Variants in WWTR1 observed in about 807,000 individuals in gnomAD.
WWTR1 encodes WW domain containing transcription regulator 1, also known as WW domain-containing transcription regulator protein 1.
WWTR1 carries 13 observed loss-of-function variants against 40.1 expected under a neutral mutation model. That is an observed-to-expected ratio of 0.32 (90% CI 0.21 to 0.52). The LOEUF (loss-of-function observed/expected upper bound fraction) is 0.52, where lower values mean the gene tolerates loss of function less well. Ranked by LOEUF, WWTR1 falls within the 20% of genes least tolerant of loss-of-function variation. The pLI is 0.97. For synonymous variants in WWTR1, 230 were observed against 210.1 expected (o/e 1.09, Z -0.82); for missense variants, 436 against 523.1 (o/e 0.83, Z 1.63).
rs1170705478 is a variant in WWTR1, at chr3:149,519,696, C to T, written c.*1109G>A. The stretch of plus-strand genomic sequence containing the variant: ...GTGGCTCACGCCAGTAATCCCAGCA[C>T]TTTGGGAGGCCGAGATGGGTGGATC... On this transcript the variant is annotated 3_prime_UTR_variant, in exon 7 of 7. Transcript: ENST00000360632. 6.6e-6 allele frequency: 1 copy of T among 152,254 alleles called. No homozygotes were observed. The highest frequency in any genetic ancestry group is 1.5e-5 in the Non-Finnish European group (1 of 68,070). The allele number at this position is 152,254 out of a possible 1,614,324, so 9.4% of individuals were successfully genotyped here.
intron 4 of WWTR1, among the ~76,000 whole-genome samples, chr3:149,528,968 T>C (rs1295100750): frequency 6.6e-6 from 1 of 152,214 alleles, no homozygotes; most frequent in Admixed American, 6.5e-5. Flanking sequence ...GAAGAGTCTA[T>C]CCAAAAGGCT....
At chr3:149,652,390 G>A (rs184906214) in intron 2 of WWTR1, among the ~76,000 whole-genome samples, 3 of 151,736 alleles carry the variant, frequency 2.0e-5, no homozygotes, top group Admixed American at 2.0e-4. Flanking sequence ...TTAGGAAGCC[G>A]GTGGGAGGAT....
intron 1 of WWTR1, among the ~76,000 whole-genome samples, chr3:149,688,719 C>T (rs908879279): frequency 1.3e-5 from 2 of 152,118 alleles, no homozygotes; most frequent in African/African-American, 2.4e-5. Flanking sequence ...ATACCTAACT[C>T]CTCAGTACCC....
chr3:149,685,207 T>C (rs1276760198), intron 1 of WWTR1, among the ~76,000 whole-genome samples: 1 of 152,182 alleles, frequency 6.6e-6, no homozygotes, highest in Admixed American at 6.5e-5. Context: ...GGGCACCTGA[T>C]CGAAGATGGA....
At chr3:149,629,164 G>GAA (rs766045778) in intron 2 of WWTR1, among the ~76,000 whole-genome samples, 3 of 152,034 alleles carry the variant, frequency 2.0e-5, no homozygotes, top group Admixed American at 6.6e-5. Flanking sequence ...AGTTTAAGAG[G>GAA]AAAAAAAGTT....
intron 2 of WWTR1, among the ~76,000 whole-genome samples, chr3:149,628,742 AT>A (rs762439346): frequency 2.7e-5 from 1 of 37,154 alleles, no homozygotes; most frequent in Non-Finnish European, 9.9e-5. Context: ...TATTTTTTTT[AT>A]TTTATTTTAT....
chr3:149,706,861 T>A (rs545184503), upstream of WWTR1, among the ~76,000 whole-genome samples: 1 of 152,312 alleles, frequency 6.6e-6, no homozygotes, highest in African/African-American at 2.4e-5. Context: ...CAGCAATATT[T>A]CAGTTTTAGC....
chr3:149,524,368 T>A (rs1325171165), intron 6 of WWTR1, among the ~76,000 whole-genome samples: 1 of 148,304 alleles, frequency 6.7e-6, no homozygotes, highest in African/African-American at 2.5e-5. Flanking sequence ...TAGATTTAGA[T>A]CTCCTGAGCT....
chr3:149,607,710 C>T (rs980614900), intron 2 of WWTR1, among the ~76,000 whole-genome samples: 5 of 152,094 alleles, frequency 3.3e-5, no homozygotes, highest in South Asian at 2.1e-4. Context: ...ATAACTAAAA[C>T]GATAGAATTC....
intron 2 of WWTR1, among the ~76,000 whole-genome samples, chr3:149,648,217 A>G (rs1234495593): frequency 6.6e-6 from 1 of 152,200 alleles, no homozygotes; most frequent in African/African-American, 2.4e-5. Context: ...AAAGGGGCAC[A>G]GATACAATGG....
chr3:149,558,555 G>A (rs189152402), intron 3 of WWTR1, among the ~76,000 whole-genome samples: 1 of 152,214 alleles, frequency 6.6e-6, no homozygotes, highest in East Asian at 1.9e-4. Flanking sequence ...ACCTTCCATA[G>A]ACACTACCTT....
chr3:149,530,180 T>C (rs1326226357), intron 4 of WWTR1, among the ~76,000 whole-genome samples: 18 of 152,086 alleles, frequency 1.2e-4, no homozygotes, highest in Non-Finnish European at 2.9e-5. Flanking sequence ...ACCCTGTCTC[T>C]ACTAAAAATA....
chr3:149,531,783 A>AGAAT (rs1036410717), intron 4 of WWTR1, among the ~76,000 whole-genome samples: 5 of 152,130 alleles, frequency 3.3e-5, no homozygotes, highest in African/African-American at 1.2e-4. Context: ...CTTTCCTACT[A>AGAAT]GAATGTAAGC....
At chr3:149,592,020 C>G (rs986459451) in intron 2 of WWTR1, among the ~76,000 whole-genome samples, 1 of 152,124 alleles carries the variant, frequency 6.6e-6, no homozygotes, top group East Asian at 1.9e-4. Flanking sequence ...CAAATGCTTT[C>G]AGGTTCAACC....
chr3:149,676,326 A>G (rs1714257879), intron 1 of WWTR1, among the ~76,000 whole-genome samples: 3 of 152,224 alleles, frequency 2.0e-5, no homozygotes, highest in Non-Finnish European at 4.4e-5. Context: ...ATCTTTCCAG[A>G]TAATTTAAGG....
At chr3:149,533,760 G>C (rs1434098975) in intron 4 of WWTR1, among the ~76,000 whole-genome samples, 1 of 148,002 alleles carries the variant, frequency 6.8e-6, no homozygotes, top group Non-Finnish European at 1.5e-5. Flanking sequence ...TTGTTCACCT[G>C]AAAAAAAAAA....
chr3:149,573,878 CACTCCTGGTACCTTAGAG>C (rs1367960576), intron 2 of WWTR1, among the ~76,000 whole-genome samples: 3 of 152,068 alleles, frequency 2.0e-5, no homozygotes, highest in African/African-American at 7.2e-5. Flanking sequence ...CATTGCAGGT[CACTCCTGGTACCTTAGAG>C]ACTCTGTCCC....
intron 2 of WWTR1, among the ~76,000 whole-genome samples, chr3:149,653,018 A>G (rs928630768): frequency 4.6e-5 from 7 of 152,360 alleles, no homozygotes; most frequent in African/African-American, 1.4e-4. Flanking sequence ...CACACATTTG[A>G]GAAAAGGCAA....
At chr3:149,632,671 T>C (rs1487262855) in intron 2 of WWTR1, among the ~76,000 whole-genome samples, 1 of 152,214 alleles carries the variant, frequency 6.6e-6, no homozygotes, top group Non-Finnish European at 1.5e-5. Context: ...AACAAATGAA[T>C]GGATAAACAA....
Sources: gnomAD v4.1 joint callset for allele counts (sites outside exome capture counted in the v4.1 genomes callset) on GRCh38, gnomAD v4.1.1 for gene constraint, MANE v1.5 for transcripts, NCBI Gene and HGNC (gene_info 2026-07-23, HGNC 2026-07-21) for gene names.